The following SUMF1 variants were observed in gnomAD, a reference collection of about 807,000 sequenced individuals.
SUMF1 encodes the protein formylglycine-generating enzyme.
SUMF1 carries 48 observed loss-of-function variants against 47.6 expected under a neutral mutation model. The observed-to-expected ratio is 1.01, with a 90% CI of 0.80 to 1.28. The LOEUF is 1.28. Ranked by LOEUF, SUMF1 falls within the 50% of genes most tolerant of loss-of-function variation. The pLI, the probability that SUMF1 is intolerant of heterozygous loss-of-function variation, is 0.00. For missense variants in SUMF1, 571 were observed against 485.4 expected (o/e 1.18, Z -1.66); for synonymous variants, 230 against 192.1 (o/e 1.20, Z -1.63).
At chr3:4,442,630 AGAAAAAGGAAAAAAAAAAAAAAGAGAG>A (rs1702640191) in intron 3 of SUMF1, among the ~76,000 whole-genome samples, 1 of 34,340 alleles carries the variant, frequency 2.9e-5, no homozygotes, top group South Asian at 7.5e-4. Context: ...GGGACAAGAG[AGAAAAAGGAAAAAAAAAAAAAAGAGAG>A]AGAAAAAGGA....
intron 8 of SUMF1, among the ~76,000 whole-genome samples, chr3:4,192,449 T>G (rs1306115743): frequency 2.0e-5 from 3 of 152,086 alleles, no homozygotes; most frequent in African/African-American, 7.2e-5. Context: ...CATATAATGT[T>G]TATATTTTTA....
intron 8 of SUMF1, among the ~76,000 whole-genome samples, chr3:4,288,676 T>C (rs972806666): frequency 6.6e-6 from 1 of 152,028 alleles, no homozygotes; most frequent in Non-Finnish European, 1.5e-5. Flanking sequence ...CATGCACCTG[T>C]AATCCCAGCT....
intron 3 of SUMF1, among the ~76,000 whole-genome samples, chr3:4,427,531 T>C (rs781699774): frequency 2.6e-5 from 4 of 152,182 alleles, no homozygotes; most frequent in Non-Finnish European, 4.4e-5. Context: ...ATCATGAAAG[T>C]AGGTAGTCAA....
Position 4,457,095 on chromosome 3 carries a change from T to TA in SUMF1, c.271-4047_271-4046insT, listed in dbSNP as rs1381236588. 1.7e-4 allele frequency among the ~76,000 whole-genome samples: 23 copies of TA among 136,270 alleles called. 1 individual carries two copies. Among genetic ancestry groups the TA allele is most frequent in the African/African-American group, 5.8e-4 (20 of 34,638 alleles). The allele number at this position is 136,270 out of a possible 152,430, so 89.4% of individuals were successfully genotyped here. On this transcript the variant is annotated intron_variant, in intron 1 of 8. Transcript: ENST00000272902. ...ATATACGTGTGTGTATATATATATA[T>TA]TTTTTTTGTTTTGTTTTGTTTTTTT... is the stretch of plus-strand genomic sequence containing the variant.
At chr3:4,259,467 T>C (rs1177947872) in intron 8 of SUMF1, among the ~76,000 whole-genome samples, 7 of 152,198 alleles carry the variant, frequency 4.6e-5, no homozygotes, top group African/African-American at 1.2e-4. Flanking sequence ...AAATCTCAAA[T>C]GTGAATTATT....
At chr3:4,346,929 C>G (rs1204639428) in intron 8 of SUMF1, among the ~76,000 whole-genome samples, 1 of 152,128 alleles carries the variant, frequency 6.6e-6, no homozygotes, top group Non-Finnish European at 1.5e-5. Flanking sequence ...ACTAGAAAAT[C>G]TAGAAGAAAT....
At chr3:4,352,098 C>G (rs1285082478) in intron 8 of SUMF1, among the ~76,000 whole-genome samples, 1 of 152,086 alleles carries the variant, frequency 6.6e-6, no homozygotes, top group African/African-American at 2.4e-5. Flanking sequence ...TCCCTTGCCC[C>G]AGTAATCTCC....
At chr3:4,435,513 T>C (rs1277492602) in intron 3 of SUMF1, among the ~76,000 whole-genome samples, 2 of 152,036 alleles carry the variant, frequency 1.3e-5, no homozygotes, top group African/African-American at 4.8e-5. Context: ...ATCCCAAATA[T>C]GATTAAAAAC....
intron 3 of SUMF1, among the ~76,000 whole-genome samples, chr3:4,440,071 T>C (rs1182071816): frequency 6.6e-6 from 1 of 152,020 alleles, no homozygotes; most frequent in Non-Finnish European, 1.5e-5. Context: ...CCGTCTCTAC[T>C]AAAAATACAA....
chr3:4,068,748 A>T (rs1212127951), intron 8 of SUMF1: 2 of 377,200 alleles, frequency 5.3e-6, no homozygotes, highest in South Asian at 3.9e-5. Flanking sequence ...TCTTGGGACT[A>T]AAACAAATAA....
chr3:4,382,502 T>C (rs1222912977), intron 7 of SUMF1, among the ~76,000 whole-genome samples: 1 of 152,114 alleles, frequency 6.6e-6, no homozygotes, highest in East Asian at 1.9e-4. Flanking sequence ...TAAAAATAGA[T>C]CATTTGTGGT....
Position 4,255,063 on chromosome 3 carries a change from C to T in SUMF1, c.1014+121267G>A, listed in dbSNP as rs1696913194. Among the ~76,000 whole-genome samples, 13 of 150,430 alleles carry T rather than the reference C, an allele frequency of 8.6e-5. No homozygotes were observed. In the South Asian group the frequency reaches 2.8e-3, roughly 32 times the overall value. ...AAAATCCTTTACAGACAAGCAAATG[C>T]TGAGAGATTTTGTCACCACCAGGCC... On this transcript the variant is annotated intron_variant and NMD_transcript_variant, in intron 8 of 12. Transcript: ENST00000448413.
chr3:4,180,699 C>CACACACACACACACACACACAA (rs557048834), intron 8 of SUMF1, among the ~76,000 whole-genome samples: 1 of 151,400 alleles, frequency 6.6e-6, no homozygotes, highest in African/African-American at 2.4e-5. Flanking sequence ...CACACACACA[C>CACACACACACACACACACACAA]AAAATTAGCC....
intron 6 of SUMF1, among the ~76,000 whole-genome samples, chr3:4,414,115 T>A (rs1473106460): frequency 6.6e-6 from 1 of 152,128 alleles, no homozygotes; most frequent in East Asian, 1.9e-4. Context: ...TCCACCTGCC[T>A]CAGACTCCCA....
intron 8 of SUMF1, among the ~76,000 whole-genome samples, chr3:4,273,262 G>A (rs1438122255): frequency 6.6e-6 from 1 of 151,878 alleles, no homozygotes; most frequent in East Asian, 1.9e-4. Context: ...GGCAAAAAAT[G>A]GAAACATTCC....
intron 3 of SUMF1, among the ~76,000 whole-genome samples, chr3:4,425,533 G>C (rs1702041019): frequency 1.3e-5 from 2 of 152,120 alleles, no homozygotes; most frequent in South Asian, 4.1e-4. Context: ...ACCCTTTTCA[G>C]AGTACTGATC....
intron 8 of SUMF1, among the ~76,000 whole-genome samples, chr3:4,110,237 C>A (rs1404989832): frequency 6.6e-6 from 1 of 152,048 alleles, no homozygotes; most frequent in East Asian, 1.9e-4. Context: ...TGCAGAACAG[C>A]GGATATTGGT....
chr3:4,380,057 TCATCTGTTTGCCTGTATACCA>T (rs1700454303), intron 7 of SUMF1, among the ~76,000 whole-genome samples: 1 of 152,158 alleles, frequency 6.6e-6, no homozygotes, highest in African/African-American at 2.4e-5. Context: ...TTTAAACACC[TCATCTGTTTGCCTGTATACCA>T]CAGCAGGAAG....
chr3:4,328,653 G>A (rs1698992711), intron 8 of SUMF1, among the ~76,000 whole-genome samples: 1 of 151,592 alleles, frequency 6.6e-6, no homozygotes, highest in Non-Finnish European at 1.5e-5. Flanking sequence ...AATTCAAGGT[G>A]AGATTTGGGT....
Sources: gnomAD v4.1 joint callset for allele counts (sites outside exome capture counted in the v4.1 genomes callset) on GRCh38, gnomAD v4.1.1 for gene constraint, MANE v1.5 for transcripts, NCBI Gene and HGNC (gene_info 2026-07-23, HGNC 2026-07-21) for gene names.